Variants in ZBTB44 observed in about 807,000 individuals in gnomAD.
ZBTB44 encodes zinc finger and BTB domain-containing protein 44.
In ZBTB44, 15 loss-of-function variants were observed where a neutral mutation model predicts 54.0. The ratio of observed to expected loss-of-function variants is 0.28; its 90% CI spans 0.19 to 0.43. The LOEUF (loss-of-function observed/expected upper bound fraction) is 0.43, where lower values mean the gene tolerates loss of function less well. Among genes scored for constraint, ZBTB44 ranks in the 20% least tolerant of loss-of-function variants. ZBTB44 has a pLI of 1.00. For synonymous variants in ZBTB44, 230 were observed against 250.1 expected (o/e 0.92, Z 0.76); for missense variants, 487 against 707.1 (o/e 0.69, Z 3.53).
intron 2 of ZBTB44, among the ~76,000 whole-genome samples, chr11:130,254,557 T>G (rs1938286329): frequency 6.6e-6 from 1 of 152,096 alleles, no homozygotes; most frequent in African/African-American, 2.4e-5. Flanking sequence ...ATGGTGATCA[T>G]TAAAAAGTCA....
At chr11:130,239,089 TAGAC>T (rs1369860987) in intron 3 of ZBTB44, 4 of 152,964 alleles carry the variant, frequency 2.6e-5, no homozygotes, top group African/African-American at 9.7e-5. Context: ...ATTAGAAAAG[TAGAC>T]AGGGATATAT....
chr11:130,295,896 G>A, intron 1 of ZBTB44: 2 of 1,488,846 alleles, frequency 1.3e-6, no homozygotes, highest in Non-Finnish European at 1.9e-6. Context: ...ATACCTATGG[G>A]TTGATAATGG....
rs543527032 is a variant in ZBTB44 at position 130,254,271 on chromosome 11, G to A, written c.1018+6585C>T. ...CATAGCAAAAGAAACTACCATCAGA[G>A]TGAACAGGCAACCTACAGAATGGGA... On this transcript the variant is annotated intron_variant, in intron 2 of 7. Coordinates refer to ENST00000357899, the MANE Select transcript of ZBTB44 (RefSeq NM_001301098.2). Among the ~76,000 whole-genome samples the A allele has an allele frequency of 1.6e-3, 242 of 152,272 alleles. 5 individuals carry two copies. In the South Asian group the frequency reaches 0.034, roughly 22 times the overall value.
At chr11:130,273,481 T>A (rs1313687193) in intron 1 of ZBTB44, among the ~76,000 whole-genome samples, 4 of 151,806 alleles carry the variant, frequency 2.6e-5, no homozygotes, top group African/African-American at 9.7e-5. Context: ...CCTGGCTAAT[T>A]TTTGTATTTT....
At chr11:130,268,236 A>AAAAAAAAAAC in intron 1 of ZBTB44, among the ~76,000 whole-genome samples, 1 of 145,468 alleles carries the variant, frequency 6.9e-6, no homozygotes, top group African/African-American at 2.5e-5. Context: ...AAAAAAAAAA[A>AAAAAAAAAAC]GCGGGGGGTG....
At chr11:130,252,355 TAGAC>T (rs1373666604) in intron 2 of ZBTB44, among the ~76,000 whole-genome samples, 3 of 152,084 alleles carry the variant, frequency 2.0e-5, no homozygotes, top group African/African-American at 7.3e-5. Context: ...CTGTCAATAT[TAGAC>T]AGATCAACGA....
intron 2 of ZBTB44, among the ~76,000 whole-genome samples, chr11:130,241,565 T>C (rs1954362755): frequency 6.6e-6 from 1 of 152,228 alleles, no homozygotes; most frequent in Non-Finnish European, 1.5e-5. Context: ...GTTGTCTGCC[T>C]TTTTAGCATA....
At chr11:130,248,439 G>A (rs749072346) in intron 2 of ZBTB44, among the ~76,000 whole-genome samples, 2 of 151,894 alleles carry the variant, frequency 1.3e-5, no homozygotes, top group Non-Finnish European at 2.9e-5. Flanking sequence ...TCAGGAGTTC[G>A]AGACCAGCCT....
At chr11:130,297,894 G>A (rs1338998923) in intron 1 of ZBTB44, among the ~76,000 whole-genome samples, 1 of 152,144 alleles carries the variant, frequency 6.6e-6, no homozygotes, top group African/African-American at 2.4e-5. Flanking sequence ...ATTGTCAGAA[G>A]AGATAAAAGC....
chr11:130,304,892 A>G (rs2134482094), intron 1 of ZBTB44, among the ~76,000 whole-genome samples: 1 of 152,354 alleles, frequency 6.6e-6, no homozygotes, highest in South Asian at 2.1e-4. Flanking sequence ...GATCTGATAA[A>G]TGAATTCAGT....
At chr11:130,291,795 CT>C (rs1330479206) in intron 1 of ZBTB44, among the ~76,000 whole-genome samples, 1 of 152,176 alleles carries the variant, frequency 6.6e-6, no homozygotes, top group Non-Finnish European at 1.5e-5. Context: ...TTAAAAATCA[CT>C]TTATGAATGC....
At chr11:130,246,888 A>G (rs534123089) in intron 2 of ZBTB44, among the ~76,000 whole-genome samples, 1 of 152,196 alleles carries the variant, frequency 6.6e-6, no homozygotes, top group Non-Finnish European at 1.5e-5. Context: ...GCGAGACTAA[A>G]AAACACTTTT....
chr11:130,298,016 T>G (rs1941755499), intron 1 of ZBTB44, among the ~76,000 whole-genome samples: 1 of 152,216 alleles, frequency 6.6e-6, no homozygotes, highest in African/African-American at 2.4e-5. Flanking sequence ...GTTGGCTTAC[T>G]TTAATATCAG....
intron 2 of ZBTB44, among the ~76,000 whole-genome samples, chr11:130,260,655 C>G (rs1408125150): frequency 6.6e-5 from 10 of 151,334 alleles, no homozygotes; most frequent in Non-Finnish European, 1.5e-4. Flanking sequence ...AGATACCATT[C>G]AATTATTTTT....
intron 2 of ZBTB44, among the ~76,000 whole-genome samples, chr11:130,251,840 CATT>C (rs1236166929): frequency 2.0e-5 from 3 of 152,228 alleles, no homozygotes; most frequent in African/African-American, 7.2e-5. Context: ...AGACCAATGA[CATT>C]ATAAAGAAAC....
intron 2 of ZBTB44, among the ~76,000 whole-genome samples, chr11:130,257,238 TAAAAA>T (rs572669481): frequency 1.8e-5 from 2 of 109,340 alleles, no homozygotes; most frequent in Non-Finnish European, 3.9e-5. Flanking sequence ...TCCCAGATCT[TAAAAA>T]AAAAAAAAAA....
chr11:130,312,590 C>T (rs1278744628), intron 1 of ZBTB44, among the ~76,000 whole-genome samples: 1 of 152,128 alleles, frequency 6.6e-6, no homozygotes, highest in Admixed American at 6.5e-5. Flanking sequence ...TACAAGACAA[C>T]TGGTTTGGTC....
chr11:130,289,311 C>T (rs1252596591), intron 1 of ZBTB44, among the ~76,000 whole-genome samples: 1 of 151,864 alleles, frequency 6.6e-6, no homozygotes, highest in African/African-American at 2.4e-5. Flanking sequence ...GGTGAAACCC[C>T]GTCTCTACTA....
intron 3 of ZBTB44, 35 bp from the exon 4 acceptor site, chr11:130,238,642 C>G: frequency 6.3e-7 from 1 of 1,588,010 alleles, no homozygotes; most frequent in East Asian, 2.3e-5. Flanking sequence ...CAACCAGGCT[C>G]TGATTTTTAA....
Sources: gnomAD v4.1 joint callset for allele counts (sites outside exome capture counted in the v4.1 genomes callset) on GRCh38, gnomAD v4.1.1 for gene constraint, MANE v1.5 for transcripts, NCBI Gene and HGNC (gene_info 2026-07-23, HGNC 2026-07-21) for gene names.